Variants in FHIT observed in about 807,000 individuals in gnomAD.
FHIT encodes fragile histidine triad diadenosine triphosphatase, also known as bis(5'-adenosyl)-triphosphatase.
In FHIT, 19 loss-of-function variants were observed where a neutral mutation model predicts 17.9. That is an observed-to-expected ratio of 1.06 (90% CI 0.74 to 1.56). FHIT has a LOEUF of 1.56. Among genes scored for constraint, FHIT ranks in the 40% most tolerant of loss-of-function variants. FHIT has a pLI of 0.00. For synonymous variants in FHIT, 81 were observed against 69.7 expected (o/e 1.16, Z -0.81); for missense variants, 248 against 189.2 (o/e 1.31, Z -1.82).
intron 3 of FHIT, among the ~76,000 whole-genome samples, chr3:60,897,892 C>G (rs1705911980): frequency 6.6e-6 from 1 of 152,150 alleles, no homozygotes; most frequent in Non-Finnish European, 1.5e-5. Context: ...CACATACTTT[C>G]ACAAAGCAAG....
chr3:61,219,326 A>C (rs1285382193), intron 1 of FHIT, among the ~76,000 whole-genome samples: 1 of 104,966 alleles, frequency 9.5e-6, no homozygotes, highest in African/African-American at 3.8e-5. Context: ...TAAATCTAAA[A>C]ATGTGTGTGT....
intron 2 of FHIT, among the ~76,000 whole-genome samples, chr3:61,067,924 T>C (rs1325373074): frequency 6.6e-6 from 1 of 152,220 alleles, no homozygotes; most frequent in African/African-American, 2.4e-5. Flanking sequence ...TGGGCAGCTA[T>C]ATTCCTACTC....
At chr3:60,547,632 C>T (rs1169614819) in intron 4 of FHIT, among the ~76,000 whole-genome samples, 4 of 152,060 alleles carry the variant, frequency 2.6e-5, no homozygotes, top group African/African-American at 7.2e-5. Context: ...ATATTTGTAC[C>T]CTCTCTACCT....
At chr3:60,186,233 T>C (rs1702151886) in intron 5 of FHIT, among the ~76,000 whole-genome samples, 1 of 152,178 alleles carries the variant, frequency 6.6e-6, no homozygotes, top group Admixed American at 6.5e-5. Context: ...GATCCCAGAT[T>C]TTTTTCTAGA....
At chr3:60,105,774 A>G (rs1351976675) in intron 5 of FHIT, among the ~76,000 whole-genome samples, 3 of 152,152 alleles carry the variant, frequency 2.0e-5, no homozygotes, top group East Asian at 3.8e-4. Flanking sequence ...TTGAAAGCCC[A>G]TCATGAAGTA....
intron 2 of FHIT, among the ~76,000 whole-genome samples, chr3:61,194,210 G>T (rs1207694130): frequency 6.6e-6 from 1 of 152,068 alleles, no homozygotes; most frequent in African/African-American, 2.4e-5. Context: ...GGCTTGCTGT[G>T]GGGAAGAGAC....
At chr3:60,955,928 G>C (rs1327704892) in intron 3 of FHIT, among the ~76,000 whole-genome samples, 1 of 151,992 alleles carries the variant, frequency 6.6e-6, no homozygotes, top group Non-Finnish European at 1.5e-5. Context: ...AGGTTAAGAA[G>C]GAAGGAAACT....
intron 3 of FHIT, among the ~76,000 whole-genome samples, chr3:60,835,085 G>C (rs1476847876): frequency 6.6e-6 from 1 of 151,966 alleles, no homozygotes; most frequent in Non-Finnish European, 1.5e-5. Context: ...ATTCTGTTCC[G>C]TTGATCTATG....
intron 2 of FHIT, among the ~76,000 whole-genome samples, chr3:61,070,981 C>T (rs558759166): frequency 2.0e-5 from 3 of 152,108 alleles, no homozygotes; most frequent in Non-Finnish European, 4.4e-5. Context: ...TAACAATGCA[C>T]GAGCACTTAT....
At chr3:59,794,356 C>T (rs188022462) in intron 8 of FHIT, among the ~76,000 whole-genome samples, 1 of 152,308 alleles carries the variant, frequency 6.6e-6, no homozygotes, top group Admixed American at 6.5e-5. Context: ...AATTCAGATA[C>T]TCGCATGTTA....
intron 2 of FHIT, among the ~76,000 whole-genome samples, chr3:61,106,351 T>C (rs2035987081): frequency 6.6e-6 from 1 of 152,150 alleles, no homozygotes. Flanking sequence ...ATTTCAAGTG[T>C]ACAATGCATT....
chr3:60,902,464 T>C (rs1706169653), intron 3 of FHIT, among the ~76,000 whole-genome samples: 1 of 152,236 alleles, frequency 6.6e-6, no homozygotes, highest in Non-Finnish European at 1.5e-5. Flanking sequence ...TATAAAGGGC[T>C]GACCCGAAAG....
intron 5 of FHIT, among the ~76,000 whole-genome samples, chr3:60,114,569 C>A (rs1704867577): frequency 7.2e-6 from 1 of 138,354 alleles, no homozygotes; most frequent in Admixed American, 7.6e-5. Context: ...TCTCAGCTCA[C>A]TGCACTCTTC....
intron 5 of FHIT, among the ~76,000 whole-genome samples, chr3:60,255,739 G>T (rs1705955888): frequency 6.6e-6 from 1 of 152,126 alleles, no homozygotes; most frequent in South Asian, 2.1e-4. Context: ...ACATTAGTCT[G>T]CAGCCTTAGA....
In FHIT at chr3:60,711,332, G is replaced by A. The variant is rs571705926; in HGVS notation, c.-18+110587C>T. On this transcript the variant is annotated intron_variant, in intron 4 of 9. Coordinates refer to ENST00000492590, the MANE Select transcript of FHIT (RefSeq NM_002012.4). The stretch of plus-strand genomic sequence containing the variant: ...AACCACAAAGATGGGGAAAAAACAA[G>A]AGCAAAAAAACTGGAAACTCTAAAA... Among the ~76,000 whole-genome samples, 5 of 152,180 alleles carry A rather than the reference G, an allele frequency of 3.3e-5. No homozygotes were observed. The East Asian group carries it at 9.7e-4, about 29-fold the overall frequency.
chr3:60,650,261 T>A (rs1553687933), intron 4 of FHIT, among the ~76,000 whole-genome samples: 2 of 152,182 alleles, frequency 1.3e-5, no homozygotes, highest in East Asian at 3.9e-4. Flanking sequence ...TCTCACTCAG[T>A]CATTTCTTTG....
chr3:60,305,065 A>G (rs1250036631), intron 5 of FHIT, among the ~76,000 whole-genome samples: 1 of 152,162 alleles, frequency 6.6e-6, no homozygotes, highest in Non-Finnish European at 1.5e-5. Context: ...CGTGTCTGTA[A>G]GCCATTCACT....
intron 5 of FHIT, among the ~76,000 whole-genome samples, chr3:60,387,709 T>C (rs560941145): frequency 1.3e-5 from 2 of 152,236 alleles, no homozygotes; most frequent in African/African-American, 4.8e-5. Flanking sequence ...CCACAGGCCT[T>C]TGAAGCGACT....
chr3:61,030,428 GT>G (rs1485212949), intron 3 of FHIT, among the ~76,000 whole-genome samples: 1 of 152,214 alleles, frequency 6.6e-6, no homozygotes, highest in Non-Finnish European at 1.5e-5. Context: ...TAACATTTCA[GT>G]TAGTTAAAAT....
Sources: allele counts gnomAD v4.1 joint callset (sites outside exome capture counted in the v4.1 genomes callset), GRCh38; gene constraint gnomAD v4.1.1; transcripts MANE v1.5; gene names NCBI Gene and HGNC (gene_info 2026-07-23, HGNC 2026-07-21).